The following SDF4 variants were observed in gnomAD, a reference collection of about 807,000 sequenced individuals.
SDF4 encodes the protein 45 kDa calcium-binding protein.
Under a neutral mutation model 34.2 loss-of-function variants are expected in SDF4, and 22 were observed. The observed-to-expected ratio is 0.64, with a 90% CI of 0.46 to 0.92. The LOEUF (loss-of-function observed/expected upper bound fraction) is 0.92. Ranked by LOEUF, SDF4 falls within the 40% of genes least tolerant of loss-of-function variation. SDF4 has a pLI of 0.00. For missense variants in SDF4, 447 were observed against 499.9 expected, an observed-to-expected ratio of 0.89 and a Z score of 1.01; for synonymous variants, 236 against 203.1, an observed-to-expected ratio of 1.16 and a Z score of -1.38.
At chr1:1,224,067 A>G in intron 2 of SDF4, 99 bp from the exon 3 acceptor site, 1 of 1,556,804 alleles carries the variant, frequency 6.4e-7, no homozygotes, top group South Asian at 1.2e-5. Flanking sequence ...TGGCTGCGTG[A>G]ACCTGCCACC....
At chr1:1,220,812 T>C in intron 4 of SDF4, 1 of 1,215,174 alleles carries the variant, frequency 8.2e-7, no homozygotes, top group Non-Finnish European at 1.1e-6. Context: ...GGGCAAGGCC[T>C]CCTGCCCCAA....
chr1:1,227,984 C>T (rs1638366764), intron 2 of SDF4, among the ~76,000 whole-genome samples: 2 of 152,208 alleles, frequency 1.3e-5, no homozygotes, highest in African/African-American at 4.8e-5. Flanking sequence ...ATACGCGGCC[C>T]GTGTGTGACA....
intron 1 of SDF4, among the ~76,000 whole-genome samples, chr1:1,230,165 G>A (rs954155989): frequency 6.6e-6 from 1 of 152,200 alleles, no homozygotes; most frequent in South Asian, 2.1e-4. Context: ...TGCCGCTGAG[G>A]CCCCGCCATG....
At chr1:1,226,756 C>G (rs897912396) in intron 2 of SDF4, among the ~76,000 whole-genome samples, 1 of 152,340 alleles carries the variant, frequency 6.6e-6, no homozygotes, top group African/African-American at 2.4e-5. Context: ...GGTTTCGTTA[C>G]AGGCACCAAA....
At chr1:1,219,071 A>C in intron 4 of SDF4, 144 bp from the exon 5 acceptor site, 5 of 1,563,692 alleles carry the variant, frequency 3.2e-6, no homozygotes, top group Non-Finnish European at 4.3e-6. Context: ...ACACGTCCCC[A>C]GAACATGGCC....
intron 2 of SDF4, 107 bp from the exon 3 acceptor site, chr1:1,224,075 A>G: frequency 2.6e-6 from 4 of 1,540,450 alleles, no homozygotes; most frequent in Non-Finnish European, 3.5e-6. Context: ...TGAACCTGCC[A>G]CCAACAGCGA....
chr1:1,221,075 G>A (rs1649924186), intron 4 of SDF4: 1 of 292,318 alleles, frequency 3.4e-6, no homozygotes, highest in Non-Finnish European at 6.8e-6. Flanking sequence ...GGCAACACAG[G>A]GAGATCCTCT....
intron 1 of SDF4, among the ~76,000 whole-genome samples, chr1:1,231,531 A>C (rs1000779379): frequency 1.3e-5 from 2 of 152,278 alleles, no homozygotes; most frequent in Non-Finnish European, 2.9e-5. Context: ...CACGCGGTTC[A>C]GAAGCGGAAG....
At position 1,228,706 on chromosome 1, in the gene SDF4, G is replaced by C. The variant is rs747214237; in HGVS notation, c.67C>G (p.Leu23Val). ...PCCLWLLGAV[L>V]LMDASARPAN... ...GGCCGTGCAGACGCGTCCATCAGAA[G>C]GACTGCCCCCAGGAGCCAGAGGCAG... Residue 23 changes from leucine to valine, a missense_variant, in exon 2 of 7, where the codon CTT becomes GTT. Coordinates refer to ENST00000360001, the MANE Select transcript of SDF4 (RefSeq NM_016176.6). 3.7e-6 allele frequency: 6 copies of C among 1,612,922 alleles called. No homozygotes were observed. The highest frequency in any genetic ancestry group is 1.7e-5 in the Admixed American group (1 of 60,020).
rs116664989 is a variant in SDF4 at position 1,231,492 on chromosome 1, C to T, written c.-175+400G>A. ...GCTCCACACAGCCGACTTCACATCTCCAAATCCTACTAACTGGGGATGAGG... is the reference window on the plus strand; with the variant it reads ...GCTCCACACAGCCGACTTCACATCTTCAAATCCTACTAACTGGGGATGAGG... On this transcript the variant is annotated intron_variant, in intron 1 of 6. Coordinates refer to ENST00000360001, the MANE Select transcript of SDF4 (RefSeq NM_016176.6). 4.0e-3 allele frequency among the ~76,000 whole-genome samples: 602 copies of T among 152,392 alleles called. 5 individuals carry two copies. The highest frequency in any genetic ancestry group is 0.013 in the African/African-American group (554 of 41,606).
rs113628169 is a variant in SDF4, at chr1:1,218,875, G to A, written c.609C>T (p.Pro203=). The A allele has an allele frequency of 3.8e-6, 6 of 1,598,102 alleles. No homozygotes were observed. The African/African-American group carries it at 6.7e-5, about 18-fold the overall frequency. The change falls in exon 5 of 7, where the codon CCC becomes CCT. Residue 203 remains proline (P), a synonymous_variant. Transcript: ENST00000360001. This position sits in a 1 kb window ranked among gnomAD's most constrained non-coding sequence, Gnocchi z 7.9. ...CCTCCGTCAGCAGCAGGTCTGCAGGGGGGCTGTCCGCCTGGTACCAGCGGT... is the reference window on the plus strand; with the variant it reads ...CCTCCGTCAGCAGCAGGTCTGCAGGAGGGCTGTCCGCCTGGTACCAGCGGT... ...LKDRWYQADS[P]PADLLLTEEE...
intron 4 of SDF4, among the ~76,000 whole-genome samples, chr1:1,222,152 C>T (rs1442759619): frequency 6.6e-6 from 1 of 152,236 alleles, no homozygotes; most frequent in Non-Finnish European, 1.5e-5. Flanking sequence ...CGGGCAGCGA[C>T]GGAGCAGGCG....
chr1:1,223,826 C>T lies in SDF4; in HGVS notation c.442+6G>A. On this transcript the variant is annotated splice_donor_region_variant and intron_variant, in intron 3 of 6. Coordinates refer to ENST00000360001, the MANE Select transcript of SDF4 (RefSeq NM_016176.6). Reference sequence around the variant, plus strand: ...CGCCCCACCCACCCCGGCCCAGCCACAGTACCGTCCCCGTCAGGGTCCACG... The same window carrying T: ...CGCCCCACCCACCCCGGCCCAGCCATAGTACCGTCCCCGTCAGGGTCCACG... 6.4e-7 allele frequency: 1 copy of T among 1,563,732 alleles called. No individual in the cohort carries two copies. Among genetic ancestry groups the T allele is most frequent in the Non-Finnish European group, 8.7e-7 (1 of 1,153,734 alleles).
rs1649647410 is a variant in SDF4, at chr1:1,218,167, T to C, written c.891+291A>G. Among the ~76,000 whole-genome samples the C allele has an allele frequency of 6.6e-6, 1 of 152,170 alleles. No individual in the cohort carries two copies. Among genetic ancestry groups the C allele is most frequent in the East Asian group, 1.9e-4 (1 of 5,180 alleles). On this transcript the variant is annotated intron_variant, in intron 6 of 6. Coordinates refer to ENST00000360001, the MANE Select transcript of SDF4 (RefSeq NM_016176.6). This position sits in a 1 kb window ranked among gnomAD's most constrained non-coding sequence, Gnocchi z 7.9. ...CCTCCATGCTGGGCCCAGCATGAGC[T>C]TCCCCTTGTGGTCCCGTTAAAAAGG...
chr1:1,219,096 C>G (rs2100967690), intron 4 of SDF4, 169 bp from the exon 5 acceptor site: 1 of 1,532,090 alleles, frequency 6.5e-7, no homozygotes, highest in South Asian at 1.2e-5. Flanking sequence ...CCCTAAGACA[C>G]AGCCTGGACC....
At chr1:1,228,329 G>A (rs928523584) in intron 2 of SDF4, 139 bp downstream of exon 2, 17 of 944,212 alleles carry the variant, frequency 1.8e-5, no homozygotes, top group Admixed American at 1.1e-4. Flanking sequence ...TGGAAGTGGC[G>A]CTCATCACCG....
chr1:1,227,924 G>A (rs577498749), intron 2 of SDF4, among the ~76,000 whole-genome samples: 8 of 152,280 alleles, frequency 5.3e-5, no homozygotes, highest in African/African-American at 7.2e-5. Context: ...CTCTGCTCCC[G>A]ACCAGGCCAG....
intron 3 of SDF4, 38 bp downstream of exon 3, chr1:1,223,794 C>G: frequency 4.9e-6 from 3 of 607,748 alleles, no homozygotes; most frequent in Non-Finnish European, 8.9e-6. Context: ...CTGCCCGCCC[C>G]GCCCACCGCC....
chr1:1,225,817 G>C (rs1638286760), intron 2 of SDF4, among the ~76,000 whole-genome samples: 1 of 152,180 alleles, frequency 6.6e-6, no homozygotes, highest in Admixed American at 6.5e-5. Context: ...ACACGAGGCA[G>C]AGCAAAAAGC....
Sources: allele counts gnomAD v4.1 joint callset (sites outside exome capture counted in the v4.1 genomes callset), GRCh38; gene constraint gnomAD v4.1.1; non-coding constraint Gnocchi (gnomAD v3.1); transcripts MANE v1.5; gene names NCBI Gene and HGNC (gene_info 2026-07-23, HGNC 2026-07-21).